CREM: variants seen among roughly 807,000 people sequenced by gnomAD.
The protein encoded by CREM is cAMP-responsive element modulator.
In CREM, 13 loss-of-function variants were observed where a neutral mutation model predicts 37.3. The observed-to-expected ratio is 0.35, with a 90% CI of 0.23 to 0.55. The LOEUF (loss-of-function observed/expected upper bound fraction) is 0.55, where lower values mean the gene tolerates loss of function less well. CREM is among the 20% of genes least tolerant of loss of function. The pLI is 0.88. For synonymous variants in CREM, 124 were observed against 120.2 expected, an observed-to-expected ratio of 1.03 and a Z score of -0.21; for missense variants, 296 against 362.3, an observed-to-expected ratio of 0.82 and a Z score of 1.49.
At chr10:35,147,296 G>A (rs944151258) in intron 2 of CREM, among the ~76,000 whole-genome samples, 3 of 151,770 alleles carry the variant, frequency 2.0e-5, no homozygotes, top group Non-Finnish European at 4.4e-5. Flanking sequence ...CTGGTGATCC[G>A]CCCGCCTCAG....
At chr10:35,204,375 G>A (rs1159765740) in intron 6 of CREM, among the ~76,000 whole-genome samples, 2 of 152,164 alleles carry the variant, frequency 1.3e-5, no homozygotes, top group South Asian at 2.1e-4. Context: ...GCCAAGGCAG[G>A]CAGATCACGA....
At chr10:35,167,593 C>G (rs2093614833) in intron 3 of CREM, 2 of 818,106 alleles carry the variant, frequency 2.4e-6, no homozygotes. Flanking sequence ...TGTTACAACA[C>G]TGTGAGGTTT....
intron 3 of CREM, chr10:35,175,645 G>A (rs2094022157): frequency 1.9e-6 from 3 of 1,611,576 alleles, no homozygotes; most frequent in Non-Finnish European, 2.5e-6. Flanking sequence ...AGGAGCATGT[G>A]TTCCTTAATA....
chr10:35,209,673 A>G (rs905195470), intron 7 of CREM, among the ~76,000 whole-genome samples: 21 of 152,226 alleles, frequency 1.4e-4, no homozygotes, highest in Non-Finnish European at 2.8e-4. Context: ...TAAAATGACT[A>G]TCTTCCTTCT....
intron 1 of CREM, among the ~76,000 whole-genome samples, chr10:35,132,843 G>T (rs1325680539): frequency 6.6e-6 from 1 of 151,982 alleles, no homozygotes; most frequent in Non-Finnish European, 1.5e-5. Flanking sequence ...TTTTTTAATC[G>T]ACTTGGTTGA....
chr10:35,137,913 A>T, intron 2 of CREM, 34 bp downstream of exon 2: 1 of 1,545,334 alleles, frequency 6.5e-7, no homozygotes, highest in Non-Finnish European at 8.8e-7. Flanking sequence ...TTCTTTTGAA[A>T]ATTCTACTTA....
intron 1 of CREM, among the ~76,000 whole-genome samples, chr10:35,128,726 A>C (rs977807831): frequency 1.3e-5 from 2 of 151,806 alleles, no homozygotes; most frequent in East Asian, 1.9e-4. Flanking sequence ...GGGGTTTCAC[A>C]GTGTTAGCCA....
chr10:35,148,024 T>A (rs1589440180), intron 2 of CREM, among the ~76,000 whole-genome samples: 1 of 152,234 alleles, frequency 6.6e-6, no homozygotes, highest in Admixed American at 6.5e-5. Context: ...TGTTTCAGAA[T>A]TTGGAATTTT....
At chr10:35,158,798 GT>G (rs543961468) in intron 3 of CREM, among the ~76,000 whole-genome samples, 15 of 100,806 alleles carry the variant, frequency 1.5e-4, no homozygotes, top group South Asian at 3.5e-4. Context: ...CAAATATAGT[GT>G]TTTTTTTTTG....
chr10:35,128,683 G>A (rs989418033), intron 1 of CREM, among the ~76,000 whole-genome samples: 3 of 151,912 alleles, frequency 2.0e-5, no homozygotes, highest in Non-Finnish European at 2.9e-5. Flanking sequence ...CCGCCACCAC[G>A]CCTGGCTAAT....
At chr10:35,131,895 A>G (rs1403773866) in intron 1 of CREM, among the ~76,000 whole-genome samples, 1 of 152,192 alleles carries the variant, frequency 6.6e-6, no homozygotes, top group Non-Finnish European at 1.5e-5. Context: ...TAGTCAAGCA[A>G]GTAACTCCTT....
intron 6 of CREM, 74 bp downstream of exon 6, chr10:35,188,462 A>G: frequency 7.5e-7 from 1 of 1,337,250 alleles, no homozygotes; most frequent in Non-Finnish European, 9.9e-7. Context: ...GTGATTTTAT[A>G]GTTTTTTGAA....
At chr10:35,181,914 C>T (rs1178827710) in intron 5 of CREM, among the ~76,000 whole-genome samples, 2 of 152,128 alleles carry the variant, frequency 1.3e-5, no homozygotes. Flanking sequence ...CTATTTGCCA[C>T]ATAAGAGGTC....
intron 3 of CREM, among the ~76,000 whole-genome samples, chr10:35,151,530 C>A (rs7079691): frequency 0.026 from 3,963 of 152,256 alleles, 168 homozygotes; most frequent in African/African-American, 0.091. Flanking sequence ...CATGTGCCAC[C>A]ACGCCCAACT....
chr10:35,144,626 C>T (rs754227667), intron 2 of CREM, among the ~76,000 whole-genome samples: 4 of 152,084 alleles, frequency 2.6e-5, no homozygotes, highest in Non-Finnish European at 4.4e-5. Flanking sequence ...AAGATGATTG[C>T]ATGAGATGGT....
At chr10:35,187,058 T>C in intron 5 of CREM, among the ~76,000 whole-genome samples, 1 of 66,686 alleles carries the variant, frequency 1.5e-5, no homozygotes, top group African/African-American at 5.7e-5. Context: ...ATAATTAATA[T>C]ATATAATTAA....
At chr10:35,152,365 C>T (rs1462077691) in intron 3 of CREM, 2 of 152,198 alleles carry the variant, frequency 1.3e-5, no homozygotes, top group African/African-American at 4.8e-5. Flanking sequence ...GGCCCCTGTT[C>T]TGCTGATGGA....
At chr10:35,176,303 TC>T (rs2132996219) in intron 3 of CREM, among the ~76,000 whole-genome samples, 1 of 152,190 alleles carries the variant, frequency 6.6e-6, no homozygotes, top group East Asian at 1.9e-4. Flanking sequence ...TTAGCAATGC[TC>T]CCCAAGGGTG....
chr10:35,137,855 A>G lies in CREM; in HGVS notation c.20A>G (p.Lys7Arg). Residue 7 changes from lysine to arginine, a missense_variant, in exon 2 of 8, where the codon AAA (lysine) becomes AGA (arginine). Lys to Arg is a conservative substitution (Grantham distance 26). Around this residue, in one of 2 missense-constraint regions of CREM, gnomAD observed 257 missense variants for 280.2 expected, o/e 0.92. Coordinates refer to ENST00000685392, the MANE Select transcript of CREM (RefSeq NM_183011.2). The stretch of plus-strand genomic sequence containing the variant: ...TTAACAATGAGCAAATGTGCAAGGA[A>G]AAAATATATTAAGACAAATCCAAGG... MSKCAR[K>R]KYIKTNPRQM... 1 of 1,589,446 alleles carries G rather than the reference A, an allele frequency of 6.3e-7. No homozygotes were observed. Among genetic ancestry groups the G allele is most frequent in the African/African-American group, 1.3e-5 (1 of 74,086 alleles).
Sources: allele counts gnomAD v4.1 joint callset (sites outside exome capture counted in the v4.1 genomes callset), GRCh38; gene constraint gnomAD v4.1.1; regional missense constraint gnomAD v4.1.1; transcripts MANE v1.5; gene names NCBI Gene and HGNC (gene_info 2026-07-23, HGNC 2026-07-21).